PARG: variants seen among roughly 807,000 people sequenced by gnomAD.
The protein encoded by PARG is mitochondrial poly(ADP-ribose) glycohydrolase.
Under a neutral mutation model 113.0 loss-of-function variants are expected in PARG, and 35 were observed. The observed-to-expected ratio is 0.31, with a 90% CI of 0.24 to 0.41. PARG has a LOEUF of 0.41. Ranked by LOEUF, PARG falls within the 10% of genes least tolerant of loss-of-function variation. The pLI, the probability that PARG is intolerant of heterozygous loss-of-function variation, is 1.00. For missense variants in PARG, 797 were observed against 1,169.4 expected, an observed-to-expected ratio of 0.68 and a Z score of 4.64; for synonymous variants, 330 against 409.9, an observed-to-expected ratio of 0.81 and a Z score of 2.36.
intron 7 of PARG, among the ~76,000 whole-genome samples, chr10:49,886,330 T>G (rs1490193708): frequency 1.3e-5 from 2 of 152,366 alleles, no homozygotes; most frequent in East Asian, 3.9e-4. Context: ...TAAAACCATT[T>G]GTTTATCTGC....
intron 6 of PARG, among the ~76,000 whole-genome samples, chr10:49,917,217 G>T (rs1193387915): frequency 6.6e-6 from 1 of 152,156 alleles, no homozygotes; most frequent in Non-Finnish European, 1.5e-5. Context: ...TAGGCTGGAC[G>T]CAGTGGCTCG....
Position 49,941,967 on chromosome 10 carries a change from G to C in PARG, c.-242C>G. ...AATGCGCCGCTTTGATTCGGGATTC[G>C]TTCACTTTCCCACCACCGGAAAGCT... is the stretch of plus-strand genomic sequence containing the variant. On this transcript the variant is annotated 5_prime_UTR_variant, in exon 1 of 18. Coordinates refer to ENST00000616448, the MANE Select transcript of PARG (RefSeq NM_003631.5). 2 of 920,370 alleles carry C rather than the reference G, an allele frequency of 2.2e-6. No homozygotes were observed. The highest frequency in any genetic ancestry group is 3.2e-4 in the Middle Eastern group (1 of 3,128). The allele number at this position is 920,370 out of a possible 1,614,324, so 57.0% of individuals were successfully genotyped here. A position where few individuals can be genotyped will look rare whatever the true frequency, so the allele number is the denominator to read the frequency against.
chr10:49,882,602 T>C (rs2664514), intron 8 of PARG, among the ~76,000 whole-genome samples: 10 of 152,298 alleles, frequency 6.6e-5, no homozygotes, highest in Admixed American at 3.9e-4. Context: ...CTTACAAAGT[T>C]AGATACCTTT....
chr10:49,867,272 CTATT>C (rs1168630890), intron 10 of PARG: 2 of 146,520 alleles, frequency 1.4e-5, no homozygotes, highest in East Asian at 4.0e-4. Flanking sequence ...TTTCCTTTCT[CTATT>C]TAGTGTCAAG....
At chr10:49,933,144 G>A in intron 3 of PARG, 33 bp downstream of exon 3, 1 of 1,425,646 alleles carries the variant, frequency 7.0e-7, no homozygotes, top group Non-Finnish European at 9.7e-7. Context: ...AGCATATTAT[G>A]CTATTGGAGA....
chr10:49,914,070 C>T (rs1409480144), intron 7 of PARG, among the ~76,000 whole-genome samples: 1 of 152,164 alleles, frequency 6.6e-6, no homozygotes, highest in Non-Finnish European at 1.5e-5. Context: ...TGCTTCTGGG[C>T]AAGGTCACCA....
chr10:49,852,955 T>C (rs1554834449), intron 13 of PARG, among the ~76,000 whole-genome samples: 1 of 151,698 alleles, frequency 6.6e-6, no homozygotes, highest in Admixed American at 6.6e-5. Flanking sequence ...ATTTCAAGAA[T>C]GTAAATTCAT....
chr10:49,941,762 G>C lies in PARG; in HGVS notation c.-37C>G. On this transcript the variant is annotated 5_prime_UTR_variant, in exon 1 of 18. Coordinates refer to ENST00000616448, the MANE Select transcript of PARG (RefSeq NM_003631.5). ...CAGCGCACTGTCCCCGGGCCGGCCCGGGCGGAGAGCCTCATTCACTAACCC... is the reference window on the plus strand; with the variant it reads ...CAGCGCACTGTCCCCGGGCCGGCCCCGGCGGAGAGCCTCATTCACTAACCC... The C allele has an allele frequency of 6.5e-7, 1 of 1,543,568 alleles. No individual in the cohort carries two copies.
intron 8 of PARG, among the ~76,000 whole-genome samples, chr10:49,882,680 G>A (rs1847273404): frequency 6.7e-6 from 1 of 149,976 alleles, no homozygotes; most frequent in South Asian, 2.1e-4. Flanking sequence ...GGATTAAATG[G>A]CCCACACCCA....
intron 16 of PARG, among the ~76,000 whole-genome samples, chr10:49,829,107 G>A (rs1844520671): frequency 6.6e-6 from 1 of 151,896 alleles, no homozygotes; most frequent in Non-Finnish European, 1.5e-5. Context: ...GTGGTGGCAG[G>A]CACCTGTAAT....
chr10:49,922,404 C>G lies in PARG; in HGVS notation c.1594G>C (p.Ala532Pro), dbSNP rs782229495. The G allele has an allele frequency of 6.2e-7, 1 of 1,608,468 alleles. No individual in the cohort carries two copies. The highest frequency in any genetic ancestry group is 2.2e-5 in the East Asian group (1 of 44,822). Reference sequence around the variant, plus strand: ...TGAATGAGCTCCCACCGGCTCCCCGCAGTTCGCTCACCATTCTTTTGGAAA... The same window carrying G: ...TGAATGAGCTCCCACCGGCTCCCCGGAGTTCGCTCACCATTCTTTTGGAAA... Reference protein sequence around the residue: ...PVEDENGERTAGSRWELIQTA... With the variant: ...PVEDENGERTPGSRWELIQTA... The change falls in exon 6 of 18, where the codon GCG (alanine) becomes CCG (proline). Residue 532 changes from alanine (A) to proline (P), a missense_variant. By Grantham distance (27) the Ala-to-Pro change is conservative. Around this residue, in one of 5 missense-constraint regions of PARG, gnomAD observed 252 missense variants for 437.4 expected, o/e 0.58. Transcript: ENST00000616448.
chr10:49,878,610 T>C (rs1847063653), intron 9 of PARG, among the ~76,000 whole-genome samples: 1 of 129,548 alleles, frequency 7.7e-6, no homozygotes, highest in Non-Finnish European at 1.7e-5. Flanking sequence ...AGAGTGAAGC[T>C]CCGTCTTAAA....
At chr10:49,929,663 A>T (rs1316002615) in intron 4 of PARG, among the ~76,000 whole-genome samples, 1 of 152,134 alleles carries the variant, frequency 6.6e-6, no homozygotes, top group Non-Finnish European at 1.5e-5. Flanking sequence ...CCCCGTCTCT[A>T]CTAAAATACA....
At chr10:49,828,932 C>T (rs1844509726) in intron 16 of PARG, among the ~76,000 whole-genome samples, 4 of 152,140 alleles carry the variant, frequency 2.6e-5, no homozygotes, top group Admixed American at 2.6e-4. Context: ...AATTAAGTAA[C>T]AAGCATGTTA....
intron 4 of PARG, among the ~76,000 whole-genome samples, chr10:49,927,463 A>G (rs1269230103): frequency 6.6e-6 from 1 of 151,950 alleles, no homozygotes; most frequent in East Asian, 1.9e-4. Context: ...CACTAAAACC[A>G]CAAGGGTGGG....
intron 16 of PARG, 132 bp downstream of exon 16, chr10:49,832,671 T>A: frequency 1.8e-6 from 1 of 543,250 alleles, no homozygotes; most frequent in Non-Finnish European, 3.3e-6. Context: ...AAAAAGAAAA[T>A]AGTGTTAAAT....
intron 2 of PARG, among the ~76,000 whole-genome samples, chr10:49,934,606 T>C (rs1215594747): frequency 6.6e-6 from 1 of 152,018 alleles, no homozygotes; most frequent in African/African-American, 2.4e-5. Context: ...TCCCAGCACT[T>C]TGGGAGGTCG....
chr10:49,920,543 CATATATATACAT>C (rs1355227315), intron 6 of PARG, among the ~76,000 whole-genome samples: 35 of 128,686 alleles, frequency 2.7e-4, no homozygotes, highest in East Asian at 1.6e-3. Flanking sequence ...TATATATACA[CATATATATACAT>C]ATATACGTAT....
At position 49,937,735 on chromosome 10, in the gene PARG, C is replaced by T. The variant is rs1554911115; in HGVS notation, c.218-2593G>A. ...AGAAGAAGAGAGCTCTCTCCTGTAG[C>T]CCTGACCCTGAGAATGTGTTCTCTC... On this transcript the variant is annotated intron_variant, in intron 1 of 17. Transcript: ENST00000616448. 2.2e-3 allele frequency among the ~76,000 whole-genome samples: 333 copies of T among 152,294 alleles called. 2 individuals are homozygous for T. Among genetic ancestry groups the T allele is most frequent in the African/African-American group, 7.7e-3 (322 of 41,552 alleles).
Sources: allele counts gnomAD v4.1 joint callset (sites outside exome capture counted in the v4.1 genomes callset), GRCh38; gene constraint gnomAD v4.1.1; regional missense constraint gnomAD v4.1.1; transcripts MANE v1.5; gene names NCBI Gene and HGNC (gene_info 2026-07-23, HGNC 2026-07-21).